The following SGCD variants were observed in gnomAD, a reference collection of about 807,000 sequenced individuals.
SGCD encodes delta-sarcoglycan.
SGCD carries 18 observed loss-of-function variants against 36.6 expected under a neutral mutation model. The ratio of observed to expected loss-of-function variants is 0.49; its 90% CI spans 0.34 to 0.73. The LOEUF is 0.73. Ranked by LOEUF, SGCD falls within the 30% of genes least tolerant of loss-of-function variation. The pLI is 0.01. For missense variants in SGCD, 387 were observed against 346.7 expected (o/e 1.12, Z -0.92); for synonymous variants, 133 against 130.6 (o/e 1.02, Z -0.12).
intron 1 of SGCD, among the ~76,000 whole-genome samples, chr5:155,988,794 C>A (rs896776570): frequency 2.0e-5 from 3 of 152,120 alleles, no homozygotes; most frequent in Admixed American, 2.0e-4. Flanking sequence ...AATAATGACA[C>A]CACGGGATAA....
At chr5:156,307,899 T>TTAAACTATA (rs537242848) in intron 3 of SGCD, among the ~76,000 whole-genome samples, 285 of 152,236 alleles carry the variant, frequency 1.9e-3, no homozygotes, top group African/African-American at 6.8e-3. Context: ...CGTTAGTCTA[T>TTAAACTATA]TAAACTATAT....
rs937795125 is a variant in SGCD, at chr5:156,188,670, C to CA, written c.-44+64651_-44+64652insA. On this transcript the variant is annotated intron_variant, in intron 3 of 9. Coordinates refer to the SGCD transcript ENST00000517913. ...GTGTCTCTCTGACCACCCCAACCGC[C>CA]CCCCCCGACACACATACACACAATC... 8.5e-4 allele frequency among the ~76,000 whole-genome samples: 115 copies of CA among 135,052 alleles called. 1 individual carries two copies. The highest frequency in any genetic ancestry group is 1.4e-3 in the Non-Finnish European group (85 of 61,428). 88.6% of individuals were successfully genotyped at this position (135,052 alleles called of 152,430 possible). A position where few individuals can be genotyped will look rare whatever the true frequency, so the allele number is the denominator to read the frequency against.
At chr5:155,738,721 AGT>A in the SGCD span, among the ~76,000 whole-genome samples, 970 of 147,700 alleles carry the variant, frequency 6.6e-3, 3 homozygotes, top group Middle Eastern at 0.014. Flanking sequence ...AGTGTGAGAG[AGT>A]GTGTGTGAGA....
chr5:156,476,877 C>G (rs1410159559), intron 3 of SGCD, among the ~76,000 whole-genome samples: 1 of 152,068 alleles, frequency 6.6e-6, no homozygotes, highest in Non-Finnish European at 1.5e-5. Context: ...ATCTAAGTCA[C>G]AGGTTTGTCT....
intron 1 of SGCD, among the ~76,000 whole-genome samples, chr5:155,929,887 C>T (rs1261917670): frequency 6.6e-6 from 1 of 152,074 alleles, no homozygotes; most frequent in Non-Finnish European, 1.5e-5. Context: ...TTCTACTTAT[C>T]TTGTTTTGAT....
At chr5:156,517,421 G>C (rs980938381) in intron 4 of SGCD, among the ~76,000 whole-genome samples, 5 of 152,144 alleles carry the variant, frequency 3.3e-5, no homozygotes, top group Admixed American at 3.3e-4. Context: ...ACGTACTTCA[G>C]AATATCATCC....
chr5:156,362,608 T>C (rs1769862765), intron 3 of SGCD, among the ~76,000 whole-genome samples: 2 of 152,170 alleles, frequency 1.3e-5, no homozygotes, highest in Non-Finnish European at 2.9e-5. Context: ...ATCACGCCAC[T>C]GCATGCCATC....
the SGCD span, among the ~76,000 whole-genome samples, chr5:155,742,954 C>G: frequency 2.0e-5 from 3 of 152,172 alleles, no homozygotes; most frequent in Admixed American, 6.5e-5. Context: ...ACAAAGGATA[C>G]AGATGAGCAG....
At chr5:156,229,217 A>G (rs1231549533) in intron 3 of SGCD, among the ~76,000 whole-genome samples, 1 of 132,822 alleles carries the variant, frequency 7.5e-6, no homozygotes, top group East Asian at 2.1e-4. Flanking sequence ...AATATTTAAT[A>G]AACTTTATAT....
chr5:156,193,796 GC>G (rs1021065247), intron 3 of SGCD, among the ~76,000 whole-genome samples: 3 of 152,242 alleles, frequency 2.0e-5, no homozygotes, highest in African/African-American at 7.2e-5. Flanking sequence ...CTTTTCTGGA[GC>G]CTTATGCATG....
chr5:156,167,114 C>T (rs1763232599), intron 3 of SGCD, among the ~76,000 whole-genome samples: 1 of 152,130 alleles, frequency 6.6e-6, no homozygotes, highest in Non-Finnish European at 1.5e-5. Flanking sequence ...ACACCCCAAT[C>T]ACCTTTGCTT....
At chr5:156,444,093 T>TCTCTCTCTCTCTCTCTCTCTCC in intron 3 of SGCD, among the ~76,000 whole-genome samples, 1 of 117,832 alleles carries the variant, frequency 8.5e-6, no homozygotes, top group Non-Finnish European at 1.7e-5. Flanking sequence ...TCTCTCTCTC[T>TCTCTCTCTCTCTCTCTCTCTCC]CTCTCTCTCT....
At chr5:156,000,756 C>G (rs1378916959) in intron 1 of SGCD, among the ~76,000 whole-genome samples, 2 of 151,842 alleles carry the variant, frequency 1.3e-5, no homozygotes, top group Admixed American at 1.3e-4. Flanking sequence ...GAATCAATGA[C>G]TACTCAAGGG....
intron 6 of SGCD, among the ~76,000 whole-genome samples, chr5:156,598,604 G>GA (rs149584600): frequency 0.025 from 3,854 of 152,218 alleles, 124 homozygotes; most frequent in African/African-American, 0.066. Flanking sequence ...ATGCCTAGGG[G>GA]AAAAAGTGGT....
At chr5:155,789,510 C>G in the SGCD span, among the ~76,000 whole-genome samples, 1 of 152,054 alleles carries the variant, frequency 6.6e-6, no homozygotes, top group East Asian at 1.9e-4. Context: ...AAAGAATTGC[C>G]TAATAGACAC....
chr5:156,262,127 G>C (rs1765884631), intron 3 of SGCD, among the ~76,000 whole-genome samples: 2 of 152,264 alleles, frequency 1.3e-5, no homozygotes, highest in South Asian at 4.1e-4. Context: ...GTCTATGGTA[G>C]TATAGAGTAG....
intron 7 of SGCD, among the ~76,000 whole-genome samples, chr5:156,681,664 G>A (rs1753728245): frequency 6.6e-6 from 1 of 152,190 alleles, no homozygotes; most frequent in South Asian, 2.1e-4. Context: ...CGCTGGAGAG[G>A]AACATTAGGT....
At chr5:156,416,428 T>C (rs914727014) in intron 3 of SGCD, among the ~76,000 whole-genome samples, 25 of 152,118 alleles carry the variant, frequency 1.6e-4, no homozygotes, top group Non-Finnish European at 1.0e-4. Flanking sequence ...ACTGCTCAGG[T>C]GATGGGTGCA....
At chr5:156,156,549 G>A (rs1017153524) in intron 3 of SGCD, among the ~76,000 whole-genome samples, 2 of 151,494 alleles carry the variant, frequency 1.3e-5, no homozygotes, top group Non-Finnish European at 2.9e-5. Flanking sequence ...GCTTGAGCTA[G>A]GGAGACGGAG....
Sources: allele counts gnomAD v4.1 joint callset (sites outside exome capture counted in the v4.1 genomes callset), GRCh38; gene constraint gnomAD v4.1.1; transcripts MANE v1.5; gene names NCBI Gene and HGNC (gene_info 2026-07-23, HGNC 2026-07-21).